Variants in ADAM12 observed in about 807,000 individuals in gnomAD.
ADAM12 encodes the protein ADAM metallopeptidase domain 12, also known as disintegrin and metalloproteinase domain-containing protein 12.
Under a neutral mutation model 106.4 loss-of-function variants are expected in ADAM12, and 70 were observed. That is an observed-to-expected ratio of 0.66 (90% CI 0.54 to 0.80). ADAM12 has a LOEUF of 0.80. Among genes scored for constraint, ADAM12 ranks in the 30% least tolerant of loss-of-function variants. The pLI is 0.00. For synonymous variants in ADAM12, 420 were observed against 433.5 expected, an observed-to-expected ratio of 0.97 and a Z score of 0.39; for missense variants, 1,010 against 1,171.9, an observed-to-expected ratio of 0.86 and a Z score of 2.02.
chr10:126,041,730 G>A, intron 18 of ADAM12: 2 of 1,031,840 alleles, frequency 1.9e-6, no homozygotes, highest in Non-Finnish European at 2.3e-6. Flanking sequence ...TGCCAAGGCT[G>A]AGGTGTCACT....
At chr10:126,201,960 G>A (rs1254302512) in intron 3 of ADAM12, among the ~76,000 whole-genome samples, 1 of 152,214 alleles carries the variant, frequency 6.6e-6, no homozygotes, top group East Asian at 1.9e-4. Context: ...AACGTCCAGG[G>A]AAAGAATGGG....
intron 1 of ADAM12, among the ~76,000 whole-genome samples, chr10:126,347,751 G>A (rs192630596): frequency 1.2e-4 from 19 of 152,102 alleles, no homozygotes; most frequent in African/African-American, 4.6e-4. Context: ...CACATTTATT[G>A]CCAATTTTTA....
At chr10:126,091,847 C>T (rs1192013729) in intron 11 of ADAM12, among the ~76,000 whole-genome samples, 4 of 152,092 alleles carry the variant, frequency 2.6e-5, no homozygotes, top group African/African-American at 9.7e-5. Context: ...GTGCATTCCT[C>T]CCCACGAGCA....
At chr10:126,377,381 G>A (rs1408638043) in intron 1 of ADAM12, among the ~76,000 whole-genome samples, 4 of 152,210 alleles carry the variant, frequency 2.6e-5, no homozygotes, top group East Asian at 1.9e-4. Context: ...TGAAGAGCCC[G>A]GAGTCCGATG....
intron 1 of ADAM12, among the ~76,000 whole-genome samples, chr10:126,379,434 CAGA>C (rs1161938305): frequency 6.6e-6 from 1 of 152,026 alleles, no homozygotes; most frequent in Non-Finnish European, 1.5e-5. Context: ...AGCAAACTAT[CAGA>C]AGAACAGAAA....
intron 2 of ADAM12, among the ~76,000 whole-genome samples, chr10:126,294,152 G>A (rs1354257750): frequency 1.3e-5 from 2 of 152,192 alleles, no homozygotes; most frequent in African/African-American, 2.4e-5. Context: ...GGCAGAACCT[G>A]ACACTGTGCT....
intron 8 of ADAM12, among the ~76,000 whole-genome samples, chr10:126,104,779 C>T (rs1955733380): frequency 6.6e-6 from 1 of 152,176 alleles, no homozygotes; most frequent in Non-Finnish European, 1.5e-5. Context: ...CTAAACCACT[C>T]GTCTGTTTTC....
At chr10:126,041,924 G>C in intron 18 of ADAM12, 1 of 1,413,646 alleles carries the variant, frequency 7.1e-7, no homozygotes, top group Non-Finnish European at 9.2e-7. Flanking sequence ...AGCTCAACCA[G>C]GAAGTCGCTG....
chr10:126,272,480 C>A (rs974270999), intron 3 of ADAM12, among the ~76,000 whole-genome samples: 1 of 151,916 alleles, frequency 6.6e-6, no homozygotes, highest in Non-Finnish European at 1.5e-5. Context: ...TCTTAATTAG[C>A]TTTATTAATT....
chr10:126,071,727 A>G (rs1312562378), intron 11 of ADAM12, 73 bp from the exon 12 acceptor site: 3 of 1,553,600 alleles, frequency 1.9e-6, no homozygotes, highest in East Asian at 4.5e-5. Context: ...TGTGCCCACA[A>G]GAAGGCACCC....
chr10:126,029,807 G>C (rs531108251), intron 21 of ADAM12, among the ~76,000 whole-genome samples: 1 of 152,310 alleles, frequency 6.6e-6, no homozygotes, highest in Admixed American at 6.5e-5. Flanking sequence ...TTCCTATGAA[G>C]AAAAACATGG....
chr10:126,269,387 C>T (rs189946817), intron 3 of ADAM12, among the ~76,000 whole-genome samples: 32 of 152,272 alleles, frequency 2.1e-4, no homozygotes, highest in Admixed American at 1.3e-4. Flanking sequence ...CTGGTTCAAA[C>T]GCCTCTAACA....
intron 10 of ADAM12, among the ~76,000 whole-genome samples, chr10:126,095,022 CA>C (rs1438952110): frequency 6.6e-6 from 1 of 152,134 alleles, no homozygotes; most frequent in African/African-American, 2.4e-5. Context: ...TCTACAGAAA[CA>C]GTGCCTATAT....
At chr10:126,110,831 CCTT>C (rs1249015511) in intron 6 of ADAM12, among the ~76,000 whole-genome samples, 1 of 152,150 alleles carries the variant, frequency 6.6e-6, no homozygotes, top group Non-Finnish European at 1.5e-5. Context: ...AAAAACAAAG[CCTT>C]CTGTTTCTGC....
At chr10:126,234,755 C>T (rs541340594) in intron 3 of ADAM12, among the ~76,000 whole-genome samples, 9 of 152,116 alleles carry the variant, frequency 5.9e-5, no homozygotes, top group African/African-American at 9.7e-5. Flanking sequence ...GCCAGTGATC[C>T]GGAAAACAGG....
Position 126,279,000 on chromosome 10 carries a change from A to T in ADAM12, c.187-12T>A. ...ACTTCTGGATGATTCTGAAAGATAAACAACAAAAGTCAGTTGAAAAACGCT... is the reference window on the plus strand; with the variant it reads ...ACTTCTGGATGATTCTGAAAGATAATCAACAAAAGTCAGTTGAAAAACGCT... On this transcript the variant is annotated splice_polypyrimidine_tract_variant and intron_variant, in intron 2 of 22. Coordinates refer to ENST00000448723, the MANE Select transcript of ADAM12 (RefSeq NM_001288973.2). The T allele has an allele frequency of 6.2e-7, 1 of 1,609,004 alleles. No homozygotes were observed. Among genetic ancestry groups the T allele is most frequent in the Non-Finnish European group, 8.5e-7 (1 of 1,175,902 alleles).
Position 126,108,601 on chromosome 10 carries a change from C to T in ADAM12, c.733G>A (p.Val245Ile), listed in dbSNP as rs763428746. 18 of 1,613,620 alleles carry T rather than the reference C, an allele frequency of 1.1e-5. No homozygotes were observed. In the Admixed American group the frequency reaches 1.5e-4, roughly 13 times the overall value. The change falls in exon 8 of 23, where the codon GTT becomes ATT. Residue 245 changes from valine (V) to isoleucine (I), a missense_variant. By Grantham distance (29) the Val-to-Ile change is conservative. Coordinates refer to ENST00000448723, the MANE Select transcript of ADAM12 (RefSeq NM_001288973.2). ...ACTGAAAAAGAACTTACCTTGTCAA[C>T]GTGATTAGCAATCTCTATTAATCGC... ...KQRLIEIANH[V>I]DKFYRPLNIR...
intron 5 of ADAM12, among the ~76,000 whole-genome samples, chr10:126,121,963 G>A (rs751730764): frequency 2.6e-5 from 4 of 151,942 alleles, no homozygotes; most frequent in Non-Finnish European, 5.9e-5. Flanking sequence ...GAGTTGTCAT[G>A]GGCAATGGGA....
intron 1 of ADAM12, among the ~76,000 whole-genome samples, chr10:126,338,993 T>C (rs1854821122): frequency 6.6e-6 from 1 of 152,188 alleles, no homozygotes; most frequent in Non-Finnish European, 1.5e-5. Context: ...TCCCTGCTGC[T>C]TCACTGGGTA....
Sources: gnomAD v4.1 joint callset for allele counts (sites outside exome capture counted in the v4.1 genomes callset) on GRCh38, gnomAD v4.1.1 for gene constraint, MANE v1.5 for transcripts, NCBI Gene and HGNC (gene_info 2026-07-23, HGNC 2026-07-21) for gene names.